UNC13C: variants seen among roughly 807,000 people sequenced by gnomAD.
The protein encoded by UNC13C is unc-13 homolog C, also known as protein unc-13 homolog C.
A neutral mutation model predicts 245.4 loss-of-function variants in UNC13C; 174 were observed. That is an observed-to-expected ratio of 0.71 (90% CI 0.63 to 0.80). The LOEUF is 0.80. Ranked by LOEUF, UNC13C falls within the 30% of genes least tolerant of loss-of-function variation. The pLI is 0.00. For synonymous variants in UNC13C, 992 were observed against 895.1 expected, an observed-to-expected ratio of 1.11 and a Z score of -1.93; for missense variants, 2,829 against 2,602.9, an observed-to-expected ratio of 1.09 and a Z score of -1.89.
At chr15:54,560,188 A>C (rs1043432122) in intron 29 of UNC13C, among the ~76,000 whole-genome samples, 1 of 151,980 alleles carries the variant, frequency 6.6e-6, no homozygotes, top group Admixed American at 6.6e-5. Context: ...TGTTGGAAAG[A>C]ACAAAGTAAT....
chr15:54,306,348 A>G (rs572067768), intron 13 of UNC13C, among the ~76,000 whole-genome samples: 47 of 152,134 alleles, frequency 3.1e-4, no homozygotes, highest in African/African-American at 1.1e-3. Context: ...GGCAAATGCA[A>G]CCATCCATCT....
intron 4 of UNC13C, among the ~76,000 whole-genome samples, chr15:54,192,555 C>T (rs1301848714): frequency 2.0e-5 from 3 of 152,304 alleles, no homozygotes; most frequent in East Asian, 1.9e-4. Flanking sequence ...ACATCTTACT[C>T]ATCACATTAC....
chr15:54,225,253 A>T (rs1396740256), intron 4 of UNC13C, among the ~76,000 whole-genome samples: 1 of 151,898 alleles, frequency 6.6e-6, no homozygotes, highest in Non-Finnish European at 1.5e-5. Flanking sequence ...TGATGCCTCC[A>T]GCTTTGTTCT....
intron 4 of UNC13C, among the ~76,000 whole-genome samples, chr15:54,193,596 C>A (rs1177443031): frequency 2.0e-5 from 3 of 152,118 alleles, no homozygotes; most frequent in Non-Finnish European, 4.4e-5. Context: ...CACCCCCAGC[C>A]CTTCAGTCAA....
the UNC13C span, among the ~76,000 whole-genome samples, chr15:53,952,943 C>A: frequency 0.019 from 2,931 of 152,188 alleles, 61 homozygotes; most frequent in East Asian, 0.072. Flanking sequence ...GGGATGAACA[C>A]AGCAAAATAA....
intron 22 of UNC13C, among the ~76,000 whole-genome samples, chr15:54,506,303 G>A (rs1366049509): frequency 3.9e-5 from 6 of 152,172 alleles, no homozygotes; most frequent in Non-Finnish European, 7.3e-5. Context: ...TAGATTGAGA[G>A]TAGTATTCAT....
At chr15:54,532,254 G>T (rs960846223) in intron 25 of UNC13C, among the ~76,000 whole-genome samples, 5 of 152,034 alleles carry the variant, frequency 3.3e-5, no homozygotes, top group African/African-American at 1.2e-4. Context: ...TAGCTCCATT[G>T]TGGAAGACAG....
At chr15:54,402,248 A>G (rs898846054) in intron 18 of UNC13C, among the ~76,000 whole-genome samples, 3 of 152,142 alleles carry the variant, frequency 2.0e-5, no homozygotes, top group South Asian at 2.1e-4. Flanking sequence ...TTTCAAAAGT[A>G]ATTTAAAAAC....
chr15:54,521,071 C>A (rs895606299), intron 24 of UNC13C, among the ~76,000 whole-genome samples: 2 of 151,936 alleles, frequency 1.3e-5, no homozygotes, highest in African/African-American at 4.8e-5. Context: ...ATTGATGGAA[C>A]AAAATCCGAA....
intron 30 of UNC13C, among the ~76,000 whole-genome samples, chr15:54,594,255 G>T (rs1372330198): frequency 6.6e-6 from 1 of 152,156 alleles, no homozygotes; most frequent in Non-Finnish European, 1.5e-5. Flanking sequence ...ACTCCATGGG[G>T]GCTCTTAGCT....
chr15:54,235,662 C>A (rs1052692869), intron 5 of UNC13C, among the ~76,000 whole-genome samples: 1 of 152,090 alleles, frequency 6.6e-6, no homozygotes, highest in African/African-American at 2.4e-5. Context: ...ACCATCCTGG[C>A]TAACATGGTG....
At chr15:54,091,965 TACTC>T (rs1399470200) in intron 2 of UNC13C, among the ~76,000 whole-genome samples, 4 of 152,230 alleles carry the variant, frequency 2.6e-5, no homozygotes, top group African/African-American at 9.6e-5. Flanking sequence ...TGAAAACAGT[TACTC>T]ACAAGTTTGA....
At chr15:54,630,847 T>C (rs1468768682), downstream of UNC13C, 1 of 152,154 alleles carries the variant, frequency 6.6e-6, no homozygotes, top group African/African-American at 2.4e-5. Context: ...TTAAAAGTGC[T>C]CATGTTTTTT....
At chr15:54,441,157 A>T (rs1890507015) in intron 19 of UNC13C, among the ~76,000 whole-genome samples, 1 of 151,992 alleles carries the variant, frequency 6.6e-6, no homozygotes, top group African/African-American at 2.4e-5. Context: ...GAAGTATTTT[A>T]GATTAATATA....
chr15:54,604,463 C>T (rs1332907074), intron 30 of UNC13C, among the ~76,000 whole-genome samples: 2 of 152,158 alleles, frequency 1.3e-5, no homozygotes, highest in African/African-American at 4.8e-5. Context: ...ATTGTAAACA[C>T]TTTATTTTGA....
At chr15:54,240,070 T>C (rs1258091983) in intron 7 of UNC13C, among the ~76,000 whole-genome samples, 1 of 152,200 alleles carries the variant, frequency 6.6e-6, no homozygotes, top group Non-Finnish European at 1.5e-5. Context: ...ACAGGGAACA[T>C]ATCCTCGCTT....
intron 4 of UNC13C, among the ~76,000 whole-genome samples, chr15:54,163,193 G>A (rs2033041525): frequency 6.6e-6 from 1 of 152,206 alleles, no homozygotes; most frequent in African/African-American, 2.4e-5. Flanking sequence ...CCTAATGACA[G>A]AGGTGTCAGT....
chr15:53,996,039 T>C (rs923107632), intron 1 of UNC13C, among the ~76,000 whole-genome samples: 2 of 152,166 alleles, frequency 1.3e-5, no homozygotes, highest in Non-Finnish European at 2.9e-5. Context: ...GCTTATTGCT[T>C]AGGCTGGGTG....
At chr15:53,995,934 G>T (rs920240954) in intron 1 of UNC13C, among the ~76,000 whole-genome samples, 1 of 152,180 alleles carries the variant, frequency 6.6e-6, no homozygotes, top group Admixed American at 6.5e-5. Flanking sequence ...TAGGTGGGAG[G>T]TGCAGTAGCT....
Sources: gnomAD v4.1 joint callset for allele counts (sites outside exome capture counted in the v4.1 genomes callset) on GRCh38, gnomAD v4.1.1 for gene constraint, MANE v1.5 for transcripts, NCBI Gene and HGNC (gene_info 2026-07-23, HGNC 2026-07-21) for gene names.